L3MBTL4: variants seen among roughly 807,000 people sequenced by gnomAD.
L3MBTL4 encodes the protein lethal(3)malignant brain tumor-like protein 4.
In L3MBTL4, 70 loss-of-function variants were observed where a neutral mutation model predicts 84.5. That is an observed-to-expected ratio of 0.83 (90% CI 0.68 to 1.01). The LOEUF is 1.01. Among genes scored for constraint, L3MBTL4 ranks in the 50% least tolerant of loss-of-function variants. The pLI, the probability that L3MBTL4 is intolerant of heterozygous loss-of-function variation, is 0.00. For missense variants in L3MBTL4, 715 were observed against 754.8 expected, an observed-to-expected ratio of 0.95 and a Z score of 0.62; for synonymous variants, 274 against 259.8, an observed-to-expected ratio of 1.05 and a Z score of -0.52.
At chr18:6,194,217 A>C (rs1372995479) in intron 12 of L3MBTL4, among the ~76,000 whole-genome samples, 1 of 152,198 alleles carries the variant, frequency 6.6e-6, no homozygotes, top group Non-Finnish European at 1.5e-5. Context: ...TCAGTAGCAC[A>C]CCTTCCCACA....
At chr18:6,349,255 C>T (rs531691785) in intron 1 of L3MBTL4, among the ~76,000 whole-genome samples, 1 of 152,200 alleles carries the variant, frequency 6.6e-6, no homozygotes, top group Non-Finnish European at 1.5e-5. Flanking sequence ...ACAGCAGCAT[C>T]ATTCTTAATA....
chr18:6,270,429 G>A (rs2048817638), intron 4 of L3MBTL4, among the ~76,000 whole-genome samples: 1 of 152,308 alleles, frequency 6.6e-6, no homozygotes, highest in East Asian at 1.9e-4. Flanking sequence ...GGAGGCAGGC[G>A]TGTAGACAGA....
At chr18:6,017,093 A>G in intron 16 of L3MBTL4, among the ~76,000 whole-genome samples, 1 of 152,092 alleles carries the variant, frequency 6.6e-6, no homozygotes, top group Non-Finnish European at 1.5e-5. Flanking sequence ...TGAACACAAC[A>G]CCCTTCACGG....
chr18:5,984,189 G>T (rs2053364663), intron 16 of L3MBTL4, among the ~76,000 whole-genome samples: 1 of 152,202 alleles, frequency 6.6e-6, no homozygotes, highest in Admixed American at 6.5e-5. Context: ...TGGGATTATA[G>T]GCATGAGCCA....
intron 12 of L3MBTL4, among the ~76,000 whole-genome samples, chr18:6,188,006 A>G (rs566297233): frequency 6.6e-6 from 1 of 152,096 alleles, no homozygotes; most frequent in Non-Finnish European, 1.5e-5. Flanking sequence ...TCAAAACAAA[A>G]AAAAAAATCA....
chr18:6,055,871 T>C (rs1322048097), intron 16 of L3MBTL4, among the ~76,000 whole-genome samples: 2 of 152,100 alleles, frequency 1.3e-5, no homozygotes, highest in African/African-American at 4.8e-5. Context: ...ATGACTAAGC[T>C]TTTGTCCTCA....
intron 16 of L3MBTL4, among the ~76,000 whole-genome samples, chr18:5,999,858 G>C (rs183524560): frequency 2.0e-4 from 30 of 152,158 alleles, no homozygotes; most frequent in Middle Eastern, 3.2e-3. Flanking sequence ...GGGTGAGCAG[G>C]GTTGGTATAA....
intron 1 of L3MBTL4, among the ~76,000 whole-genome samples, chr18:6,362,785 G>A (rs2053763712): frequency 6.6e-6 from 1 of 152,170 alleles, no homozygotes; most frequent in African/African-American, 2.4e-5. Flanking sequence ...GGAAAGTAGT[G>A]GGAAGAGAAA....
intron 13 of L3MBTL4, among the ~76,000 whole-genome samples, chr18:6,160,159 C>T (rs959032071): frequency 6.6e-6 from 1 of 152,174 alleles, no homozygotes; most frequent in Non-Finnish European, 1.5e-5. Flanking sequence ...CCTGCAAGAG[C>T]TACAGAGGTT....
intron 13 of L3MBTL4, among the ~76,000 whole-genome samples, chr18:6,143,414 C>A (rs2060253524): frequency 1.3e-5 from 2 of 152,060 alleles, no homozygotes; most frequent in Non-Finnish European, 2.9e-5. Flanking sequence ...GCAATTTCCT[C>A]ATTAAATTTT....
At chr18:6,295,783 G>A (rs2050085158) in intron 4 of L3MBTL4, among the ~76,000 whole-genome samples, 1 of 152,080 alleles carries the variant, frequency 6.6e-6, no homozygotes. Context: ...GTTCAAAGTA[G>A]CTGATATGGT....
chr18:6,372,295 G>C (rs1384744547), intron 1 of L3MBTL4, among the ~76,000 whole-genome samples: 2 of 152,178 alleles, frequency 1.3e-5, no homozygotes, highest in East Asian at 3.8e-4. Flanking sequence ...GCCCTATGGG[G>C]ATGTGTGGGG....
At chr18:6,193,071 G>T (rs2045198517) in intron 12 of L3MBTL4, among the ~76,000 whole-genome samples, 1 of 151,884 alleles carries the variant, frequency 6.6e-6, no homozygotes, top group Admixed American at 6.6e-5. Context: ...GGTCAGAAAG[G>T]ATGTGAGAAA....
chr18:6,237,587 C>A (rs546541525), intron 10 of L3MBTL4, among the ~76,000 whole-genome samples: 6 of 151,270 alleles, frequency 4.0e-5, no homozygotes, highest in African/African-American at 1.5e-4. Context: ...TCCCAAGTAG[C>A]TGGGATTACA....
chr18:6,402,960 C>G (rs548359298), intron 1 of L3MBTL4, among the ~76,000 whole-genome samples: 5 of 152,292 alleles, frequency 3.3e-5, no homozygotes, highest in Non-Finnish European at 7.4e-5. Context: ...ACCAGTAGTG[C>G]TCAACAGAGG....
chr18:6,161,475 G>A (rs16949524), intron 13 of L3MBTL4, among the ~76,000 whole-genome samples: 7,949 of 152,236 alleles, frequency 0.052, 694 homozygotes, highest in African/African-American at 0.18. Flanking sequence ...AAGTATTTCT[G>A]CAGAAGCTGA....
chr18:6,175,719 A>G (rs2145264243), intron 12 of L3MBTL4, among the ~76,000 whole-genome samples: 1 of 152,340 alleles, frequency 6.6e-6, no homozygotes, highest in South Asian at 2.1e-4. Context: ...AACACAGGTA[A>G]TATCAGACTA....
chr18:6,320,895 A>C (rs1357877134), intron 1 of L3MBTL4, among the ~76,000 whole-genome samples: 2 of 152,188 alleles, frequency 1.3e-5, no homozygotes, highest in Non-Finnish European at 2.9e-5. Flanking sequence ...AAAAATAGGC[A>C]TGAGGACCAA....
rs1313768462 is a variant in L3MBTL4 at position 6,090,591 on chromosome 18, T to TACAC, written c.1373+2763_1373+2764insGTGT. ...AATATATGTGTATATATATTATATA[T>TACAC]ATACACACACACACACACACACACA... On this transcript the variant is annotated intron_variant, in intron 15 of 18. Transcript: ENST00000317931. Among the ~76,000 whole-genome samples, 27 of 128,352 alleles carry TACAC rather than the reference T, an allele frequency of 2.1e-4. No homozygotes were observed. In the East Asian group the frequency reaches 4.6e-3, roughly 22 times the overall value. The allele number at this position is 128,352 out of a possible 152,430, so 84.2% of individuals were successfully genotyped here.
Sources: allele counts gnomAD v4.1 joint callset (sites outside exome capture counted in the v4.1 genomes callset), GRCh38; gene constraint gnomAD v4.1.1; transcripts MANE v1.5; gene names NCBI Gene and HGNC (gene_info 2026-07-23, HGNC 2026-07-21).